UBAP1L: variants seen among roughly 807,000 people sequenced by gnomAD.
UBAP1L encodes the protein ubiquitin associated protein 1 like.
In UBAP1L, 32 loss-of-function variants were observed where a neutral mutation model predicts 32.1. That is an observed-to-expected ratio of 1.00 (90% CI 0.75 to 1.34). UBAP1L has a LOEUF of 1.34. UBAP1L is among the 40% of genes most tolerant of loss of function. The pLI is 0.00. For missense variants in UBAP1L, 516 were observed against 540.5 expected (o/e 0.95, Z 0.45); for synonymous variants, 243 against 250.2 (o/e 0.97, Z 0.27).
intron 1 of UBAP1L, among the ~76,000 whole-genome samples, chr15:65,109,500 A>AAC (rs1566969426): frequency 6.6e-6 from 1 of 151,162 alleles, no homozygotes; most frequent in Non-Finnish European, 1.5e-5. Context: ...AAAAAAAAAA[A>AAC]AAAAACTTCC....
Position 65,094,187 on chromosome 15 carries a change from C to T in UBAP1L, c.1011+288G>A, listed in dbSNP as rs1421791828. Among the ~76,000 whole-genome samples, 1 of 152,202 alleles carries T rather than the reference C, an allele frequency of 6.6e-6. No individual in the cohort carries two copies. The highest frequency in any genetic ancestry group is 1.9e-4 in the East Asian group (1 of 5,196). On this transcript the variant is annotated intron_variant, in intron 5 of 5. Coordinates refer to ENST00000559089, the MANE Select transcript of UBAP1L (RefSeq NM_001163692.2). This position sits in a 1 kb window ranked among gnomAD's most constrained non-coding sequence, Gnocchi z 4.2. ...CCGACAAAGAGTGGCCATTCAGTCACAGAGGCTGTGTTGATTAAGTCTAAT... is the reference window on the plus strand; with the variant it reads ...CCGACAAAGAGTGGCCATTCAGTCATAGAGGCTGTGTTGATTAAGTCTAAT...
At chr15:65,108,543 G>C (rs1277814263) in intron 1 of UBAP1L, among the ~76,000 whole-genome samples, 2 of 152,024 alleles carry the variant, frequency 1.3e-5, no homozygotes, top group African/African-American at 4.8e-5. Flanking sequence ...CCAGGAGATT[G>C]AGATGAGCAT....
chr15:65,106,319 C>T lies in UBAP1L; in HGVS notation c.-104G>A. ...ACCAGGCTCAGGCCTCAAATGGCCT[C>T]ACTGCTCTCCTGTGTGGTCACTTAG... On this transcript the variant is annotated 5_prime_UTR_variant, in exon 2 of 6. Coordinates refer to ENST00000559089, the MANE Select transcript of UBAP1L (RefSeq NM_001163692.2). 8.1e-7 allele frequency: 1 copy of T among 1,228,712 alleles called. No homozygotes were observed. Among genetic ancestry groups the T allele is most frequent in the Non-Finnish European group, 1.1e-6 (1 of 951,380 alleles). The allele number at this position is 1,228,712 out of a possible 1,614,324, so 76.1% of individuals were successfully genotyped here. A position where few individuals can be genotyped will look rare whatever the true frequency, so the allele number is the denominator to read the frequency against.
chr15:65,106,663 C>T lies in UBAP1L; in HGVS notation c.-173-275G>A, dbSNP rs539546905. Among the ~76,000 whole-genome samples the T allele has an allele frequency of 8.1e-5, 11 of 135,324 alleles. No individual in the cohort carries two copies. The South Asian group carries it at 1.1e-3, about 14-fold the overall frequency. The allele number at this position is 135,324 out of a possible 152,430, so 88.8% of individuals were successfully genotyped here. A position where few individuals can be genotyped will look rare whatever the true frequency, so the allele number is the denominator to read the frequency against. The stretch of plus-strand genomic sequence containing the variant: ...TTTTTTTTTTTTTTTTTTTCTGGGA[C>T]GAAGTCTCGCTCTGTCACCCAGGCT... On this transcript the variant is annotated intron_variant, in intron 1 of 5. Transcript: ENST00000559089.
intron 1 of UBAP1L, among the ~76,000 whole-genome samples, chr15:65,114,170 C>T (rs2087387749): frequency 6.6e-6 from 1 of 151,614 alleles, no homozygotes; most frequent in Non-Finnish European, 1.5e-5. Flanking sequence ...AGGCATGAGC[C>T]ACCGCGCCCA....
Position 65,102,571 on chromosome 15 carries a change from G to A in UBAP1L, c.234C>T (p.Leu78=). Residue 78 remains leucine, a synonymous_variant, in exon 3 of 6, where the codon CTC becomes CTT. Transcript: ENST00000559089. The surrounding 1 kb of genome is among the most constrained non-coding windows in gnomAD (Gnocchi z 5.0). The part of the protein sequence containing the change: ...PGTASAPPAW[L]LLVSPEHGLA... Reference sequence around the variant, plus strand: ...GCCCATGTTCGGGGCTGACTAGCAAGAGCCAGGCTGGAGGGGCTGACGCTG... The same window carrying A: ...GCCCATGTTCGGGGCTGACTAGCAAAAGCCAGGCTGGAGGGGCTGACGCTG... The A allele has an allele frequency of 6.5e-7, 1 of 1,543,572 alleles. No homozygotes were observed. The highest frequency in any genetic ancestry group is 8.7e-7 in the Non-Finnish European group (1 of 1,144,178).
rs1396145548 is a variant in UBAP1L, at chr15:65,093,148, A to T, written c.1095T>A (p.His365Gln). 6.5e-7 allele frequency: 1 copy of T among 1,549,148 alleles called. No homozygotes were observed. The change falls in exon 6 of 6, where the codon CAT (histidine) becomes CAA (glutamine). Residue 365 changes from histidine to glutamine, a missense_variant. Coordinates refer to ENST00000559089, the MANE Select transcript of UBAP1L (RefSeq NM_001163692.2). ...CCAGGGCTTGCTCTCGGCGGTTGCC[A>T]TGGACCAGCAGCACCTCCTTGATCC... ...QDRIKEVLLVHGNRREQALEE... is the reference protein window; with the variant it reads ...QDRIKEVLLVQGNRREQALEE...
chr15:65,109,370 C>T (rs1410690667), intron 1 of UBAP1L, among the ~76,000 whole-genome samples: 1 of 147,712 alleles, frequency 6.8e-6, no homozygotes, highest in Non-Finnish European at 1.5e-5. Flanking sequence ...GTAGTCCCAG[C>T]TACTCAGGAG....
chr15:65,105,300 AATCTC>A lies in UBAP1L; in HGVS notation c.120+791_120+795del, dbSNP rs1455245037. Among the ~76,000 whole-genome samples, 5 of 151,968 alleles carry A rather than the reference AATCTC, an allele frequency of 3.3e-5. No individual in the cohort carries two copies. The East Asian group carries it at 7.8e-4, about 24-fold the overall frequency. ...GACCAGCCCGGGCAACATGGTGTGA[AATCTC>A]ATCTCTACAAAGAAATATAAAAAAT... On this transcript the variant is annotated intron_variant, in intron 2 of 5. Transcript: ENST00000559089.
At chr15:65,114,132 C>T (rs957109562) in intron 1 of UBAP1L, among the ~76,000 whole-genome samples, 3 of 151,802 alleles carry the variant, frequency 2.0e-5, no homozygotes, top group Non-Finnish European at 2.9e-5. Flanking sequence ...GATCCACCTG[C>T]CTTGGGCTCG....
chr15:65,103,543 A>AG (rs1212784011), intron 2 of UBAP1L, among the ~76,000 whole-genome samples: 6 of 152,338 alleles, frequency 3.9e-5, no homozygotes, highest in Admixed American at 3.9e-4. Flanking sequence ...AGGAAGAAAG[A>AG]GGCTAGGGGT....
Position 65,094,348 on chromosome 15 carries a change from T to C in UBAP1L, c.1011+127A>G. ...CTCAGAGCTGAGGAGTCAGGCAATC[T>C]CCCGACAGACCCACAGGCTGGACCC... is the stretch of plus-strand genomic sequence containing the variant. On this transcript the variant is annotated intron_variant, in intron 5 of 5. Coordinates refer to ENST00000559089, the MANE Select transcript of UBAP1L (RefSeq NM_001163692.2). This position sits in a 1 kb window ranked among gnomAD's most constrained non-coding sequence, Gnocchi z 4.2. 1.5e-6 allele frequency: 1 copy of C among 645,902 alleles called. No individual in the cohort carries two copies. The allele number at this position is 645,902 out of a possible 1,614,324, so 40.0% of individuals were successfully genotyped here.
At chr15:65,106,513 T>C (rs2087313790) in intron 1 of UBAP1L, 125 bp from the exon 2 acceptor site, 1 of 268,476 alleles carries the variant, frequency 3.7e-6, no homozygotes, top group Non-Finnish European at 6.9e-6. Flanking sequence ...CTAGTTCTCA[T>C]GCATTTCATC....
Position 65,094,791 on chromosome 15 carries a change from A to G in UBAP1L, c.910-215T>C. The stretch of plus-strand genomic sequence containing the variant: ...ATAGGCAGACAATGGGTCTTCACCA[A>G]CTATGCCAAGCTGGGGGCTGGACTC... On this transcript the variant is annotated intron_variant, in intron 4 of 5. Transcript: ENST00000559089. This position sits in a 1 kb window ranked among gnomAD's most constrained non-coding sequence, Gnocchi z 4.2. 1 of 584,168 alleles carries G rather than the reference A, an allele frequency of 1.7e-6. No homozygotes were observed. Among genetic ancestry groups the G allele is most frequent in the South Asian group, 2.0e-5 (1 of 50,404 alleles). The allele number at this position is 584,168 out of a possible 1,614,324, so 36.2% of individuals were successfully genotyped here. A position where few individuals can be genotyped will look rare whatever the true frequency, so the allele number is the denominator to read the frequency against.
At chr15:65,099,750 C>A (rs770554995) in intron 3 of UBAP1L, 36 bp from the exon 4 acceptor site, 133 of 1,495,564 alleles carry the variant, frequency 8.9e-5, no homozygotes, top group Non-Finnish European at 1.1e-4. Context: ...TCAGTTACTA[C>A]AGGAAGTGAC....
chr15:65,114,453 A>T (rs1435360677), intron 1 of UBAP1L, among the ~76,000 whole-genome samples: 1 of 152,118 alleles, frequency 6.6e-6, no homozygotes, highest in East Asian at 1.9e-4. Context: ...GTTAGGGAGT[A>T]TTTGGCATTT....
chr15:65,108,386 T>C (rs937052352), intron 1 of UBAP1L, among the ~76,000 whole-genome samples: 4 of 151,954 alleles, frequency 2.6e-5, no homozygotes, highest in African/African-American at 4.8e-5. Flanking sequence ...ATAATAAAAC[T>C]CAAAGATAAA....
At chr15:65,093,429 C>G (rs774307199) in intron 5 of UBAP1L, among the ~76,000 whole-genome samples, 198 bp from the exon 6 acceptor site, 1 of 152,230 alleles carries the variant, frequency 6.6e-6, no homozygotes, top group Non-Finnish European at 1.5e-5. Flanking sequence ...CTCCCTTCCT[C>G]TGCCAAGGAA....
At chr15:65,114,183 CTTTT>C (rs75250904) in intron 1 of UBAP1L, among the ~76,000 whole-genome samples, 3 of 138,016 alleles carry the variant, frequency 2.2e-5, no homozygotes, top group African/African-American at 2.6e-5. Context: ...CGCGCCCAGC[CTTTT>C]TTTTTTTTTT....
Sources: allele counts gnomAD v4.1 joint callset (sites outside exome capture counted in the v4.1 genomes callset), GRCh38; gene constraint gnomAD v4.1.1; non-coding constraint Gnocchi (gnomAD v3.1); transcripts MANE v1.5; gene names NCBI Gene and HGNC (gene_info 2026-07-23, HGNC 2026-07-21).